The following HTR2A variants were observed in gnomAD, a reference collection of about 807,000 sequenced individuals.
HTR2A encodes 5-HT2 receptor.
A neutral mutation model predicts 31.0 loss-of-function variants in HTR2A; 14 were observed. That is an observed-to-expected ratio of 0.45 (90% CI 0.30 to 0.71). The LOEUF (loss-of-function observed/expected upper bound fraction) is 0.71. Among genes scored for constraint, HTR2A ranks in the 30% least tolerant of loss-of-function variants. The probability of loss-of-function intolerance (pLI) is 0.09; values close to 1 mark genes in which losing one functional copy is unlikely to be tolerated. For missense variants in HTR2A, 442 were observed against 573.3 expected, an observed-to-expected ratio of 0.77 and a Z score of 2.34; for synonymous variants, 209 against 225.2, an observed-to-expected ratio of 0.93 and a Z score of 0.64.
intron 3 of HTR2A, among the ~76,000 whole-genome samples, chr13:46,858,709 T>C (rs1950757774): frequency 6.6e-6 from 1 of 152,052 alleles, no homozygotes; most frequent in South Asian, 2.1e-4. Context: ...GAAGAAGGAA[T>C]GAATTTTAGG....
chr13:46,889,997 A>G (rs929498650), intron 3 of HTR2A, among the ~76,000 whole-genome samples: 1 of 152,156 alleles, frequency 6.6e-6, no homozygotes, highest in Non-Finnish European at 1.5e-5. Flanking sequence ...TTGAATGCAT[A>G]TCTTTTTCAT....
At chr13:46,859,222 T>C (rs897686914) in intron 3 of HTR2A, among the ~76,000 whole-genome samples, 1 of 152,266 alleles carries the variant, frequency 6.6e-6, no homozygotes, top group Non-Finnish European at 1.5e-5. Context: ...TGCCCAAGCC[T>C]TCAAGATGCT....
chr13:46,888,826 G>A (rs1299158908), intron 3 of HTR2A, among the ~76,000 whole-genome samples: 5 of 152,140 alleles, frequency 3.3e-5, no homozygotes, highest in Non-Finnish European at 7.4e-5. Flanking sequence ...GTAATAATTT[G>A]TTTTAGACTC....
chr13:46,847,869 T>C (rs1285175117), intron 3 of HTR2A, among the ~76,000 whole-genome samples: 1 of 152,126 alleles, frequency 6.6e-6, no homozygotes, highest in Non-Finnish European at 1.5e-5. Flanking sequence ...CTGGGCACTA[T>C]TTGGGGCACA....
chr13:46,892,311 TA>T, intron 3 of HTR2A, 78 bp downstream of exon 3: 1 of 1,360,624 alleles, frequency 7.3e-7, no homozygotes, highest in Non-Finnish European at 1.1e-6. Flanking sequence ...CAGGTTTCAG[TA>T]CAACAAAATG....
chr13:46,864,465 A>G (rs977828106), intron 3 of HTR2A, among the ~76,000 whole-genome samples: 1 of 152,164 alleles, frequency 6.6e-6, no homozygotes, highest in African/African-American at 2.4e-5. Context: ...AAAATATTTT[A>G]AAAGGCCCTC....
chr13:46,890,559 T>C (rs1410244244), intron 3 of HTR2A, among the ~76,000 whole-genome samples: 1 of 152,168 alleles, frequency 6.6e-6, no homozygotes, highest in Non-Finnish European at 1.5e-5. Context: ...CTGAAGCTGA[T>C]TTTCTTTAAG....
chr13:46,897,290 G>C (rs1951112413), upstream of HTR2A, among the ~76,000 whole-genome samples: 1 of 152,288 alleles, frequency 6.6e-6, no homozygotes, highest in East Asian at 1.9e-4. Flanking sequence ...AGGGTGAAGA[G>C]AGAACATAAA....
chr13:46,861,340 A>G (rs557677629), intron 3 of HTR2A, among the ~76,000 whole-genome samples: 4 of 152,152 alleles, frequency 2.6e-5, no homozygotes, highest in African/African-American at 4.8e-5. Flanking sequence ...TTCTCACATA[A>G]TTTTAGATTG....
chr13:46,877,743 GT>G (rs1950926983), intron 3 of HTR2A, among the ~76,000 whole-genome samples: 1 of 152,104 alleles, frequency 6.6e-6, no homozygotes, highest in South Asian at 2.1e-4. Context: ...ATATGGAGGG[GT>G]TTTGGAAGAA....
intron 3 of HTR2A, among the ~76,000 whole-genome samples, chr13:46,860,232 C>A (rs1950769560): frequency 6.6e-6 from 1 of 152,156 alleles, no homozygotes; most frequent in African/African-American, 2.4e-5. Flanking sequence ...GAAGGTCATA[C>A]CTGCCTAGAC....
intron 2 of HTR2A, among the ~76,000 whole-genome samples, chr13:46,893,326 C>A (rs1885882): frequency 0.012 from 1,770 of 152,318 alleles, 38 homozygotes; most frequent in African/African-American, 0.039. Flanking sequence ...CACTGCTGGA[C>A]CTCCGTCCAG....
intron 3 of HTR2A, among the ~76,000 whole-genome samples, chr13:46,838,024 G>A (rs1332912038): frequency 6.6e-6 from 1 of 152,178 alleles, no homozygotes; most frequent in Non-Finnish European, 1.5e-5. Context: ...TTGATGAGCT[G>A]TGCCTCCAAG....
In HTR2A at chr13:46,834,774, T is replaced by C; in HGVS notation, c.*63A>G. 1 of 1,365,346 alleles carries C rather than the reference T, an allele frequency of 7.3e-7. No homozygotes were observed. Among genetic ancestry groups the C allele is most frequent in the South Asian group, 1.4e-5 (1 of 70,784 alleles). 84.6% of individuals were successfully genotyped at this position (1,365,346 alleles called of 1,614,324 possible). On this transcript the variant is annotated 3_prime_UTR_variant, in exon 4 of 4. Coordinates refer to ENST00000542664, the MANE Select transcript of HTR2A (RefSeq NM_000621.5). The stretch of plus-strand genomic sequence containing the variant: ...AATTTTTTCCAATCTCATATTTTTT[T>C]TTTTCCAGATAGGTGAAAACTTGCT...
intron 3 of HTR2A, chr13:46,852,118 G>A (rs778415576): frequency 6.6e-6 from 1 of 152,286 alleles, no homozygotes; most frequent in Non-Finnish European, 1.5e-5. Flanking sequence ...AGAAGCTGGA[G>A]GGGCCAGTGA....
intron 3 of HTR2A, among the ~76,000 whole-genome samples, chr13:46,891,104 T>C (rs1010100866): frequency 2.0e-5 from 3 of 152,216 alleles, no homozygotes; most frequent in African/African-American, 7.2e-5. Flanking sequence ...CTGCTGCAAG[T>C]TGGAGACATG....
intron 3 of HTR2A, among the ~76,000 whole-genome samples, chr13:46,842,250 A>AC (rs1188039445): frequency 6.6e-6 from 1 of 152,148 alleles, no homozygotes; most frequent in Non-Finnish European, 1.5e-5. Context: ...ATATTTAGCA[A>AC]CGTGCTCATG....
chr13:46,889,692 C>A (rs1315194216), intron 3 of HTR2A, among the ~76,000 whole-genome samples: 1 of 152,072 alleles, frequency 6.6e-6, no homozygotes, highest in African/African-American at 2.4e-5. Context: ...CAAGTTAGAT[C>A]ATATTTTAAA....
chr13:46,860,408 AG>A (rs1343014691), intron 3 of HTR2A, among the ~76,000 whole-genome samples: 1 of 152,208 alleles, frequency 6.6e-6, no homozygotes, highest in Admixed American at 6.5e-5. Flanking sequence ...ACAGATGGGC[AG>A]GTCTGTGTGA....
Sources: allele counts gnomAD v4.1 joint callset (sites outside exome capture counted in the v4.1 genomes callset), GRCh38; gene constraint gnomAD v4.1.1; transcripts MANE v1.5; gene names NCBI Gene and HGNC (gene_info 2026-07-23, HGNC 2026-07-21).